The following BNC2 variants were observed in gnomAD, a reference collection of about 807,000 sequenced individuals.
BNC2 encodes the protein basonuclin zinc finger protein 2, also known as zinc finger protein basonuclin-2.
Under a neutral mutation model 76.3 loss-of-function variants are expected in BNC2, and 20 were observed. The observed-to-expected ratio is 0.26, with a 90% CI of 0.18 to 0.38. BNC2 has a LOEUF of 0.38. BNC2 is among the 10% of genes least tolerant of loss of function. BNC2 has a pLI of 1.00. For synonymous variants in BNC2, 582 were observed against 514.8 expected, an observed-to-expected ratio of 1.13 and a Z score of -1.77; for missense variants, 1,382 against 1,399.8, an observed-to-expected ratio of 0.99 and a Z score of 0.20.
At chr9:16,842,095 CCA>C (rs953228249) in intron 1 of BNC2, among the ~76,000 whole-genome samples, 1 of 152,178 alleles carries the variant, frequency 6.6e-6, no homozygotes, top group Admixed American at 6.5e-5. Context: ...CAGGCGTGAG[CCA>C]CACACCCGGC....
chr9:16,621,039 C>T lies in BNC2; in HGVS notation c.331-37954G>A, dbSNP rs545759508. Among the ~76,000 whole-genome samples the T allele has an allele frequency of 3.9e-5, 6 of 152,212 alleles. No homozygotes were observed. In the South Asian group the frequency reaches 1.2e-3, roughly 32 times the overall value. On this transcript the variant is annotated intron_variant, in intron 3 of 6. Coordinates refer to ENST00000380672, the MANE Select transcript of BNC2 (RefSeq NM_017637.6). ...AATAAAGCTCTTCCAGAAAACTCAC[C>T]CAAGATCAAATTGAGCCTGGTGACA...
At chr9:16,801,236 C>T (rs1476418356) in intron 1 of BNC2, among the ~76,000 whole-genome samples, 1 of 151,802 alleles carries the variant, frequency 6.6e-6, no homozygotes, top group Non-Finnish European at 1.5e-5. Context: ...ATTGATAATA[C>T]ATTCATCACC....
At chr9:16,523,379 G>A (rs1817681427) in intron 5 of BNC2, among the ~76,000 whole-genome samples, 1 of 151,260 alleles carries the variant, frequency 6.6e-6, no homozygotes, top group South Asian at 2.1e-4. Context: ...GCTAAGGCAG[G>A]AGAATGGCAT....
chr9:16,793,111 A>G (rs1817557497), intron 1 of BNC2, among the ~76,000 whole-genome samples: 1 of 152,220 alleles, frequency 6.6e-6, no homozygotes, highest in South Asian at 2.1e-4. Context: ...TTAATATAAC[A>G]ACAGGATTGT....
intron 3 of BNC2, among the ~76,000 whole-genome samples, chr9:16,720,753 T>C (rs960267782): frequency 5.3e-5 from 8 of 152,244 alleles, no homozygotes; most frequent in African/African-American, 1.9e-4. Context: ...ACTAGCCAAT[T>C]TGAGTAATGT....
At chr9:16,514,045 T>A (rs932586477) in intron 5 of BNC2, among the ~76,000 whole-genome samples, 21 of 152,234 alleles carry the variant, frequency 1.4e-4, no homozygotes, top group Non-Finnish European at 2.1e-4. Flanking sequence ...TGTGGCTATC[T>A]CCTGCAACTT....
At chr9:16,739,072 G>A (rs2135135913) in intron 1 of BNC2, among the ~76,000 whole-genome samples, 1 of 151,846 alleles carries the variant, frequency 6.6e-6, no homozygotes, top group Non-Finnish European at 1.5e-5. Flanking sequence ...CTCTCACACT[G>A]AGCGTAGATT....
At chr9:16,704,418 C>T (rs995028698) in intron 3 of BNC2, among the ~76,000 whole-genome samples, 4 of 152,058 alleles carry the variant, frequency 2.6e-5, no homozygotes, top group Admixed American at 1.3e-4. Context: ...TGTGGTTTCA[C>T]AACAAAGTCC....
chr9:16,414,366 A>C lies in BNC2; in HGVS notation c.*4623T>G, dbSNP rs967139122. 7 of 152,186 alleles carry C rather than the reference A, an allele frequency of 4.6e-5. No individual in the cohort carries two copies. The highest frequency in any genetic ancestry group is 1.7e-4 in the African/African-American group (7 of 41,442). 9.4% of individuals were successfully genotyped at this position (152,186 alleles called of 1,614,324 possible). A position where few individuals can be genotyped will look rare whatever the true frequency, so the allele number is the denominator to read the frequency against. On this transcript the variant is annotated 3_prime_UTR_variant, in exon 7 of 7. Transcript: ENST00000380672. ...CTGATGAAAACACTGTGATCCCTCC[A>C]GTCTTTCTGGTATCTTTTATTGCTC...
chr9:16,538,876 ATAAT>A, intron 5 of BNC2, among the ~76,000 whole-genome samples: 1 of 152,352 alleles, frequency 6.6e-6, no homozygotes, highest in South Asian at 2.1e-4. Context: ...CTATTTACAT[ATAAT>A]TAATGACTGC....
At chr9:16,467,520 A>C (rs1278699958) in intron 5 of BNC2, among the ~76,000 whole-genome samples, 1 of 122,474 alleles carries the variant, frequency 8.2e-6, no homozygotes, top group East Asian at 2.4e-4. Context: ...TGATGAGTTC[A>C]TGTCCTTTGT....
At position 16,437,516 on chromosome 9, in the gene BNC2, A is replaced by G. The variant is rs1203766271; in HGVS notation, c.678T>C (p.Ala226=). Residue 226 remains alanine, a synonymous_variant, in exon 6 of 7, where the codon GCT becomes GCC. Transcript: ENST00000380672. ...YVRGYILQDA[A]GKVLDRWAIM... ...TGGCCCAGCGGTCCAGCACCTTGCC[A>G]GCAGCATCCTAGAGGCCACATCAAA... 2 of 1,612,320 alleles carry G rather than the reference A, an allele frequency of 1.2e-6. No homozygotes were observed. The highest frequency in any genetic ancestry group is 1.7e-6 in the Non-Finnish European group (2 of 1,179,990).
intron 5 of BNC2, among the ~76,000 whole-genome samples, chr9:16,487,952 A>G (rs1210438139): frequency 6.6e-6 from 1 of 152,236 alleles, no homozygotes; most frequent in Non-Finnish European, 1.5e-5. Context: ...AGTTTAGAAG[A>G]GAGGGCTCAA....
intron 3 of BNC2, among the ~76,000 whole-genome samples, chr9:16,690,841 C>T (rs987071597): frequency 2.0e-5 from 3 of 152,076 alleles, no homozygotes; most frequent in Non-Finnish European, 2.9e-5. Context: ...CAGAAGGTGA[C>T]GGAGGTGGGG....
chr9:16,591,533 T>C (rs2133179515), intron 3 of BNC2, among the ~76,000 whole-genome samples: 1 of 152,298 alleles, frequency 6.6e-6, no homozygotes, highest in South Asian at 2.1e-4. Flanking sequence ...GGGTATGTTT[T>C]CTCCATTTAT....
At chr9:16,746,412 G>A (rs998489018) in intron 1 of BNC2, among the ~76,000 whole-genome samples, 2 of 151,890 alleles carry the variant, frequency 1.3e-5, no homozygotes, top group Non-Finnish European at 2.9e-5. Flanking sequence ...CACCAAGGCT[G>A]GAGTGCCATG....
intron 5 of BNC2, among the ~76,000 whole-genome samples, chr9:16,502,074 G>A (rs565937799): frequency 1.4e-4 from 22 of 152,244 alleles, no homozygotes; most frequent in African/African-American, 4.8e-4. Flanking sequence ...TGGTTGGCAT[G>A]GAAGGAGTGG....
At chr9:16,861,544 A>G (rs1159858108) in intron 1 of BNC2, among the ~76,000 whole-genome samples, 1 of 152,180 alleles carries the variant, frequency 6.6e-6, no homozygotes. Context: ...GAAAAGATAC[A>G]CAAATGGCCA....
intron 1 of BNC2, among the ~76,000 whole-genome samples, chr9:16,798,683 T>C (rs961622348): frequency 3.3e-5 from 5 of 152,216 alleles, no homozygotes; most frequent in Admixed American, 2.6e-4. Context: ...AAATTTTTCA[T>C]TCTCCACTAA....
Sources: gnomAD v4.1 joint callset for allele counts (sites outside exome capture counted in the v4.1 genomes callset) on GRCh38, gnomAD v4.1.1 for gene constraint, MANE v1.5 for transcripts, NCBI Gene and HGNC (gene_info 2026-07-23, HGNC 2026-07-21) for gene names.